LURAP1: variants seen among roughly 807,000 people sequenced by gnomAD.
The protein encoded by LURAP1 is NF-kappa-B activator C1orf190.
In LURAP1, 14 loss-of-function variants were observed where a neutral mutation model predicts 19.0. The observed-to-expected ratio is 0.74, with a 90% CI of 0.49 to 1.15. The LOEUF is 1.15. Ranked by LOEUF, LURAP1 falls within the 50% of genes most tolerant of loss-of-function variation. The pLI, the probability that LURAP1 is intolerant of heterozygous loss-of-function variation, is 0.00. For synonymous variants in LURAP1, 129 were observed against 131.8 expected (o/e 0.98, Z 0.14); for missense variants, 273 against 309.1 (o/e 0.88, Z 0.87).
At chr1:46,205,305 G>A (rs377438000) in intron 1 of LURAP1, among the ~76,000 whole-genome samples, 1 of 151,856 alleles carries the variant, frequency 6.6e-6, no homozygotes, top group South Asian at 2.1e-4. Context: ...GAGGAAGGGA[G>A]GGAGGGAGGA....
intron 1 of LURAP1, among the ~76,000 whole-genome samples, chr1:46,209,724 T>C (rs1176223190): frequency 6.6e-6 from 1 of 151,932 alleles, no homozygotes; most frequent in African/African-American, 2.4e-5. Context: ...TTGGCCAGGC[T>C]GGTCTTGAAC....
Position 46,220,170 on chromosome 1 carries a change from G to A in LURAP1, c.670G>A (p.Glu224Lys), listed in dbSNP as rs749491836. Residue 224 changes from glutamate (E) to lysine (K), a missense_variant, in exon 2 of 2, where the codon GAG (glutamate) becomes AAG (lysine). By Grantham distance (56) the Glu-to-Lys change is moderately conservative. Coordinates refer to ENST00000371980, the MANE Select transcript of LURAP1 (RefSeq NM_001013615.3). ...PEDESAKLGF[E>K]AHWFWEQCQD... is the part of the protein sequence containing the mutation. Reference sequence around the variant, plus strand: ...GGATGAGAGTGCCAAGCTGGGCTTCGAGGCCCACTGGTTCTGGGAGCAGTG... The same window carrying A: ...GGATGAGAGTGCCAAGCTGGGCTTCAAGGCCCACTGGTTCTGGGAGCAGTG... 6.2e-6 allele frequency: 10 copies of A among 1,613,850 alleles called. No homozygotes were observed. The highest frequency in any genetic ancestry group is 5.0e-5 in the Admixed American group (3 of 59,992).
chr1:46,214,866 T>TAAAA (rs748655613), intron 1 of LURAP1, among the ~76,000 whole-genome samples: 1 of 11,548 alleles, frequency 8.7e-5, no homozygotes, highest in Admixed American at 1.1e-3. Flanking sequence ...AGACTCCATC[T>TAAAA]CAAAAAAAAA....
intron 1 of LURAP1, among the ~76,000 whole-genome samples, chr1:46,211,259 G>A (rs1187475899): frequency 6.6e-6 from 1 of 152,086 alleles, no homozygotes; most frequent in East Asian, 1.9e-4. Context: ...GACCTTCTCT[G>A]GAATGAGGGT....
chr1:46,211,448 C>T (rs7543298), intron 1 of LURAP1, among the ~76,000 whole-genome samples: 1,824 of 150,362 alleles, frequency 0.012, 29 homozygotes, highest in African/African-American at 0.032. Context: ...TGCACACACA[C>T]ACACACACAC....
chr1:46,203,649 G>A (rs765981419), intron 1 of LURAP1, 25 bp downstream of exon 1: 54 of 1,593,226 alleles, frequency 3.4e-5, no homozygotes, highest in Admixed American at 6.9e-5. Flanking sequence ...CATGGGCCAA[G>A]GGGACGAGTC....
At chr1:46,203,927 AACCCAACGCAGC>A (rs1340606640) in intron 1 of LURAP1, among the ~76,000 whole-genome samples, 2 of 152,150 alleles carry the variant, frequency 1.3e-5, no homozygotes, top group East Asian at 3.9e-4. Context: ...AAGTACTGAG[AACCCAACGCAGC>A]ACAAATTCCC....
At chr1:46,209,424 TG>T (rs1658823346) in intron 1 of LURAP1, among the ~76,000 whole-genome samples, 1 of 152,156 alleles carries the variant, frequency 6.6e-6, no homozygotes, top group African/African-American at 2.4e-5. Context: ...ACAAAAGGGC[TG>T]GTTGAATGTT....
At chr1:46,219,661 C>A (rs536716626) in intron 1 of LURAP1, 38 bp from the exon 2 acceptor site, 1 of 1,534,550 alleles carries the variant, frequency 6.5e-7, no homozygotes, top group Non-Finnish European at 8.7e-7. Flanking sequence ...AAACCCATGC[C>A]CCAGAACTGG....
chr1:46,212,281 ATTT>A (rs753914761), intron 1 of LURAP1, among the ~76,000 whole-genome samples: 1 of 143,490 alleles, frequency 7.0e-6, no homozygotes, highest in Non-Finnish European at 1.5e-5. Context: ...AACCATGTAA[ATTT>A]TTTTTTTTTT....
At chr1:46,205,839 A>C (rs1571681786) in intron 1 of LURAP1, among the ~76,000 whole-genome samples, 1 of 152,208 alleles carries the variant, frequency 6.6e-6, no homozygotes, top group East Asian at 1.9e-4. Context: ...CAGGAAGGAC[A>C]AGGGGTGGGG....
chr1:46,217,616 G>C (rs1381147123), intron 1 of LURAP1, among the ~76,000 whole-genome samples: 1 of 152,148 alleles, frequency 6.6e-6, no homozygotes, highest in Admixed American at 6.5e-5. Flanking sequence ...CGGCACTTTG[G>C]AAGTCCAAGG....
chr1:46,206,856 C>G (rs1180627354), intron 1 of LURAP1, among the ~76,000 whole-genome samples: 1 of 152,174 alleles, frequency 6.6e-6, no homozygotes, highest in Non-Finnish European at 1.5e-5. Context: ...GATCTGCTCT[C>G]AGGGAGCTCA....
chr1:46,209,404 G>A (rs1332039809), intron 1 of LURAP1, among the ~76,000 whole-genome samples: 2 of 152,144 alleles, frequency 1.3e-5, no homozygotes, highest in Non-Finnish European at 2.9e-5. Context: ...GGGCACAAGT[G>A]GGGCTGAAAA....
chr1:46,219,953 G>A lies in LURAP1; in HGVS notation c.453G>A (p.Val151=), dbSNP rs1293137134. The change falls in exon 2 of 2, where the codon GTG becomes GTA. Residue 151 remains valine, a synonymous_variant. Transcript: ENST00000371980. ...SVSIGSFLDT[V]APSELDEQGP... ...CTATTGGCAGCTTCCTGGACACAGT[G>A]GCCCCCAGCGAGCTGGATGAACAGG... 2 of 1,614,266 alleles carry A rather than the reference G, an allele frequency of 1.2e-6. No individual in the cohort carries two copies. The highest frequency in any genetic ancestry group is 2.2e-5 in the South Asian group (2 of 91,090).
chr1:46,208,916 A>G (rs1658807498), intron 1 of LURAP1, among the ~76,000 whole-genome samples: 1 of 152,190 alleles, frequency 6.6e-6, no homozygotes, highest in African/African-American at 2.4e-5. Flanking sequence ...GAGACAAGGT[A>G]ATAGGAACAA....
intron 1 of LURAP1, among the ~76,000 whole-genome samples, chr1:46,204,616 T>TC (rs1424024382): frequency 6.6e-6 from 1 of 152,082 alleles, no homozygotes; most frequent in Admixed American, 6.6e-5. Context: ...CAGCCAGGGC[T>TC]CCGACGCCTG....
chr1:46,209,638 G>A (rs1052487277), intron 1 of LURAP1, among the ~76,000 whole-genome samples: 9 of 146,488 alleles, frequency 6.1e-5, no homozygotes, highest in Non-Finnish European at 1.2e-4. Context: ...TCAGCCTCCC[G>A]AGTAGCTGGG....
chr1:46,209,711 A>G (rs937019600), intron 1 of LURAP1, among the ~76,000 whole-genome samples: 2 of 151,808 alleles, frequency 1.3e-5, no homozygotes, highest in Admixed American at 6.6e-5. Context: ...GGGTTTTGCC[A>G]TGTTGGCCAG....
Sources: gnomAD v4.1 joint callset for allele counts (sites outside exome capture counted in the v4.1 genomes callset) on GRCh38, gnomAD v4.1.1 for gene constraint, MANE v1.5 for transcripts, NCBI Gene and HGNC (gene_info 2026-07-23, HGNC 2026-07-21) for gene names.